The following SLCO2A1 variants were observed in gnomAD, a reference collection of about 807,000 sequenced individuals.
SLCO2A1 encodes matrin F/G 1.
Under a neutral mutation model 71.7 loss-of-function variants are expected in SLCO2A1, and 60 were observed. The ratio of observed to expected loss-of-function variants is 0.84; its 90% CI spans 0.68 to 1.04. The LOEUF (loss-of-function observed/expected upper bound fraction) is 1.04, where lower values mean the gene tolerates loss of function less well. Ranked by LOEUF, SLCO2A1 falls within the 50% of genes least tolerant of loss-of-function variation. The pLI is 0.00. For missense variants in SLCO2A1, 745 were observed against 813.4 expected (o/e 0.92, Z 1.02); for synonymous variants, 308 against 326.7 (o/e 0.94, Z 0.62).
intron 1 of SLCO2A1, among the ~76,000 whole-genome samples, chr3:134,028,757 T>C (rs1214060346): frequency 1.3e-5 from 2 of 152,254 alleles, no homozygotes; most frequent in Admixed American, 6.5e-5. Context: ...TGATGCAGTC[T>C]CTGCAGTCTC....
intron 2 of SLCO2A1, 86 bp from the exon 3 acceptor site, chr3:133,973,911 G>A (rs1934392830): frequency 2.2e-6 from 3 of 1,344,434 alleles, no homozygotes; most frequent in African/African-American, 1.5e-5. Context: ...CTTCATCCAG[G>A]AAAACTGGAA....
chr3:133,951,293 A>G lies in SLCO2A1; in HGVS notation c.776T>C (p.Leu259Pro). ...GDPRWIGAWWLGLLISSALLV... is the reference protein window; with the variant it reads ...GDPRWIGAWWPGLLISSALLV... The stretch of plus-strand genomic sequence containing the variant: ...TAAAGCTGAAGAAATGAGCAGGCCT[A>G]GCCACCAGGCTCCAATCCATCGGGG... The change falls in exon 6 of 14, where the codon CTA becomes CCA. Residue 259 changes from leucine (L) to proline (P), a missense_variant. Coordinates refer to ENST00000310926, the MANE Select transcript of SLCO2A1 (RefSeq NM_005630.3). 1 of 1,614,208 alleles carries G rather than the reference A, an allele frequency of 6.2e-7. No individual in the cohort carries two copies.
chr3:133,952,350 G>A (rs1448065232), intron 5 of SLCO2A1, among the ~76,000 whole-genome samples: 1 of 152,222 alleles, frequency 6.6e-6, no homozygotes, highest in Non-Finnish European at 1.5e-5. Flanking sequence ...GTTGCAACTA[G>A]CACCTGCCAG....
chr3:134,013,553 T>C (rs1404200776), intron 1 of SLCO2A1, among the ~76,000 whole-genome samples: 1 of 152,178 alleles, frequency 6.6e-6, no homozygotes, highest in Non-Finnish European at 1.5e-5. Flanking sequence ...CACACACTTG[T>C]CCCACTTAAA....
chr3:133,956,570 CTGG>C (rs1031411135), intron 3 of SLCO2A1, among the ~76,000 whole-genome samples: 14 of 152,336 alleles, frequency 9.2e-5, no homozygotes, highest in African/African-American at 3.4e-4. Context: ...AGGAAGCATC[CTGG>C]CAAGCAGCCA....
chr3:133,942,834 C>T (rs981364331), intron 10 of SLCO2A1, 66 bp from the exon 11 acceptor site: 31 of 1,478,812 alleles, frequency 2.1e-5, no homozygotes, highest in Admixed American at 1.2e-4. Flanking sequence ...ACACTTCAGA[C>T]GTCTGCACCA....
intron 5 of SLCO2A1, among the ~76,000 whole-genome samples, chr3:133,951,705 T>C (rs1006137735): frequency 6.6e-6 from 1 of 152,184 alleles, no homozygotes; most frequent in Non-Finnish European, 1.5e-5. Flanking sequence ...CCATCTGTTT[T>C]CCACTGGGTT....
chr3:134,025,094 C>T (rs572083999), intron 1 of SLCO2A1, among the ~76,000 whole-genome samples: 14 of 152,242 alleles, frequency 9.2e-5, no homozygotes, highest in South Asian at 6.2e-4. Flanking sequence ...GGTCCATGCA[C>T]GGCCGAAGCA....
intron 1 of SLCO2A1, among the ~76,000 whole-genome samples, chr3:133,990,806 G>A (rs928336995): frequency 1.3e-5 from 2 of 152,116 alleles, no homozygotes; most frequent in South Asian, 2.1e-4. Context: ...GCTTCCCAGT[G>A]TCATCAGACA....
chr3:134,029,061 G>A (rs1050782793), intron 1 of SLCO2A1, among the ~76,000 whole-genome samples: 3 of 152,204 alleles, frequency 2.0e-5, no homozygotes, highest in Non-Finnish European at 4.4e-5. Flanking sequence ...CCAGACCAGG[G>A]AAGCCAATCT....
At chr3:134,026,446 C>T (rs1935702831) in intron 1 of SLCO2A1, among the ~76,000 whole-genome samples, 2 of 151,914 alleles carry the variant, frequency 1.3e-5, no homozygotes, top group South Asian at 4.2e-4. Context: ...TTCCTACTGC[C>T]CATAAAAACA....
chr3:133,996,331 T>C (rs1934962877), intron 1 of SLCO2A1, among the ~76,000 whole-genome samples: 1 of 152,066 alleles, frequency 6.6e-6, no homozygotes, highest in Non-Finnish European at 1.5e-5. Flanking sequence ...GAACAAAGCT[T>C]CAAGAGTCTG....
chr3:133,961,481 A>C (rs1243214029), intron 3 of SLCO2A1, among the ~76,000 whole-genome samples: 2 of 152,196 alleles, frequency 1.3e-5, no homozygotes, highest in African/African-American at 4.8e-5. Context: ...TTTGCAAGGT[A>C]TTTAATGGTC....
chr3:133,996,015 A>T (rs1414466399), intron 1 of SLCO2A1, among the ~76,000 whole-genome samples: 1 of 152,210 alleles, frequency 6.6e-6, no homozygotes, highest in Non-Finnish European at 1.5e-5. Context: ...CATTTGGAGA[A>T]TTGGAGCCAG....
intron 1 of SLCO2A1, among the ~76,000 whole-genome samples, chr3:134,021,423 C>A (rs1324574019): frequency 1.3e-5 from 2 of 152,038 alleles, no homozygotes; most frequent in African/African-American, 4.8e-5. Context: ...AAGGTGTGGC[C>A]CAAGGTAACC....
intron 1 of SLCO2A1, among the ~76,000 whole-genome samples, chr3:134,013,450 C>G (rs962748969): frequency 1.3e-5 from 2 of 152,202 alleles, no homozygotes; most frequent in Non-Finnish European, 2.9e-5. Context: ...TCCCTTTGCC[C>G]CCCACCAACA....
chr3:133,995,787 G>A (rs1023354963), intron 1 of SLCO2A1, among the ~76,000 whole-genome samples: 5 of 152,164 alleles, frequency 3.3e-5, no homozygotes, highest in African/African-American at 7.2e-5. Context: ...AAATGTCAGC[G>A]AATGACCCCA....
At chr3:134,015,200 G>A (rs1935421925) in intron 1 of SLCO2A1, among the ~76,000 whole-genome samples, 1 of 152,206 alleles carries the variant, frequency 6.6e-6, no homozygotes, top group Non-Finnish European at 1.5e-5. Flanking sequence ...GCATCCATCA[G>A]TGGATGAATA....
At chr3:133,980,968 C>A (rs1160891009) in intron 1 of SLCO2A1, among the ~76,000 whole-genome samples, 3 of 152,242 alleles carry the variant, frequency 2.0e-5, no homozygotes, top group Non-Finnish European at 4.4e-5. Context: ...GGTGGCACTC[C>A]ACCCCTGCCA....
Sources: gnomAD v4.1 joint callset for allele counts (sites outside exome capture counted in the v4.1 genomes callset) on GRCh38, gnomAD v4.1.1 for gene constraint, MANE v1.5 for transcripts, NCBI Gene and HGNC (gene_info 2026-07-23, HGNC 2026-07-21) for gene names.